Variants in PIK3C2A observed in about 807,000 individuals in gnomAD.
PIK3C2A encodes phosphatidylinositol 4-phosphate 3-kinase C2 domain-containing subunit alpha.
In PIK3C2A, 97 loss-of-function variants were observed where a neutral mutation model predicts 204.5. The observed-to-expected ratio is 0.47, with a 90% CI of 0.40 to 0.56. The LOEUF (loss-of-function observed/expected upper bound fraction) is 0.56. PIK3C2A is among the 20% of genes least tolerant of loss of function. The pLI, the probability that PIK3C2A is intolerant of heterozygous loss-of-function variation, is 0.00. For missense variants in PIK3C2A, 1,735 were observed against 1,969.2 expected (o/e 0.88, Z 2.25); for synonymous variants, 653 against 664.4 (o/e 0.98, Z 0.26).
At chr11:17,110,679 G>A in intron 21 of PIK3C2A, 118 bp from the exon 22 acceptor site, 1 of 791,812 alleles carries the variant, frequency 1.3e-6, no homozygotes, top group Non-Finnish European at 1.9e-6. Flanking sequence ...AACACCTGAG[G>A]TCAGGAGTTC....
intron 1 of PIK3C2A, among the ~76,000 whole-genome samples, chr11:17,205,473 C>CAAAA (rs755518412): frequency 1.2e-4 from 3 of 25,356 alleles, no homozygotes; most frequent in Non-Finnish European, 2.0e-4. Context: ...GACTCCATCT[C>CAAAA]AAAAAAAAAA....
chr11:17,125,427 C>A (rs902167903), intron 13 of PIK3C2A, among the ~76,000 whole-genome samples: 3 of 152,158 alleles, frequency 2.0e-5, no homozygotes, highest in African/African-American at 7.2e-5. Context: ...GATTGAGAAA[C>A]CCTGGCCGAA....
At chr11:17,201,101 G>A (rs989634362) in intron 1 of PIK3C2A, among the ~76,000 whole-genome samples, 4 of 152,146 alleles carry the variant, frequency 2.6e-5, no homozygotes, top group Non-Finnish European at 5.9e-5. Context: ...AGCTACTCAG[G>A]AAGCTGAGAC....
Position 17,117,630 on chromosome 11 carries a change from C to T in PIK3C2A, c.3077G>A (p.Arg1026Gln), listed in dbSNP as rs756345749. Reference protein sequence around the residue: ...DALHDVQFSTRYEHVLGALLS... With the variant: ...DALHDVQFSTQYEHVLGALLS... ...GAGAGCACCCAAAACATGTTCGTAT[C>T]GGGTACTAAACTGTACATCATGCAG... The change falls in exon 19 of 33, where the codon CGA (arginine) becomes CAA (glutamine). Residue 1026 changes from arginine (R) to glutamine (Q), a missense_variant. Transcript: ENST00000691414. The T allele has an allele frequency of 5.6e-6, 9 of 1,606,320 alleles. No individual in the cohort carries two copies. Among genetic ancestry groups the T allele is most frequent in the Middle Eastern group, 1.7e-4 (1 of 6,026 alleles).
chr11:17,102,540 G>T, intron 24 of PIK3C2A, 122 bp downstream of exon 24: 1 of 690,520 alleles, frequency 1.4e-6, no homozygotes, highest in Non-Finnish European at 2.5e-6. Context: ...ATATCTTTGG[G>T]CCTTTTTCAT....
At chr11:17,199,709 A>G (rs1303549323) in intron 1 of PIK3C2A, among the ~76,000 whole-genome samples, 1 of 152,150 alleles carries the variant, frequency 6.6e-6, no homozygotes, top group Admixed American at 6.5e-5. Context: ...TTGGGAGGCC[A>G]AGGCAGGTGG....
At chr11:17,096,521 C>T (rs1203420953) in intron 27 of PIK3C2A, among the ~76,000 whole-genome samples, 2 of 151,852 alleles carry the variant, frequency 1.3e-5, no homozygotes, top group South Asian at 2.1e-4. Context: ...AATAAACACA[C>T]AAAAAGATAC....
At position 17,207,966 on chromosome 11, in the gene PIK3C2A, G is replaced by C. The variant is rs1852655638; in HGVS notation, c.-184C>G. The C allele has an allele frequency of 6.6e-6, 1 of 152,334 alleles. No homozygotes were observed. Among genetic ancestry groups the C allele is most frequent in the Non-Finnish European group, 1.5e-5 (1 of 68,118 alleles). 9.4% of individuals were successfully genotyped at this position (152,334 alleles called of 1,614,324 possible). On this transcript the variant is annotated 5_prime_UTR_variant, in exon 1 of 33. Coordinates refer to ENST00000691414, the MANE Select transcript of PIK3C2A (RefSeq NM_002645.4). Reference sequence around the variant, plus strand: ...GCCGAAAGCTTCGGCCGACTCCACAGCCAGCCAAGCGCAGCACGTCACTTC... The same window carrying C: ...GCCGAAAGCTTCGGCCGACTCCACACCCAGCCAAGCGCAGCACGTCACTTC...
chr11:17,192,136 C>A (rs778293291), intron 1 of PIK3C2A, among the ~76,000 whole-genome samples: 1 of 152,026 alleles, frequency 6.6e-6, no homozygotes, highest in Non-Finnish European at 1.5e-5. Context: ...CAGAGCGAGA[C>A]CCCTGTCTCA....
intron 19 of PIK3C2A, chr11:17,115,538 CAAGGAAAAA>C (rs1849152602): frequency 1.1e-5 from 1 of 93,004 alleles, no homozygotes; most frequent in South Asian, 3.6e-4. Context: ...GACCTCATCT[CAAGGAAAAA>C]AAGGAAAAAA....
intron 1 of PIK3C2A, among the ~76,000 whole-genome samples, chr11:17,176,019 TG>T (rs1301565729): frequency 7.3e-6 from 1 of 136,382 alleles, no homozygotes; most frequent in Admixed American, 7.5e-5. Flanking sequence ...TTTTTTTTTG[TG>T]GGGGACAGAG....
rs1195796749 is a variant in PIK3C2A at position 17,087,452 on chromosome 11, T to C, written c.*2286A>G. On this transcript the variant is annotated 3_prime_UTR_variant, in exon 33 of 33. Coordinates refer to ENST00000691414, the MANE Select transcript of PIK3C2A (RefSeq NM_002645.4). ...ATTAAGAGAAAACATTACCACTTGT[T>C]CTGAACTCTTAACTGTACAGTATTA... 6.6e-6 allele frequency: 1 copy of C among 152,224 alleles called. No individual in the cohort carries two copies. Among genetic ancestry groups the C allele is most frequent in the East Asian group, 1.9e-4 (1 of 5,206 alleles). 9.4% of individuals were successfully genotyped at this position (152,224 alleles called of 1,614,324 possible).
chr11:17,157,735 T>C (rs1850643775), intron 2 of PIK3C2A, among the ~76,000 whole-genome samples: 1 of 152,214 alleles, frequency 6.6e-6, no homozygotes, highest in Admixed American at 6.5e-5. Flanking sequence ...CTAATGCTAC[T>C]TCCCCATTGT....
At chr11:17,105,670 G>C (rs1177794626) in intron 22 of PIK3C2A, among the ~76,000 whole-genome samples, 1 of 152,192 alleles carries the variant, frequency 6.6e-6, no homozygotes, top group Non-Finnish European at 1.5e-5. Context: ...TCCTGTGTTA[G>C]TTTGCTGAGA....
chr11:17,180,584 G>A (rs1851513279), intron 1 of PIK3C2A, among the ~76,000 whole-genome samples: 2 of 152,016 alleles, frequency 1.3e-5, no homozygotes, highest in South Asian at 4.2e-4. Context: ...CATTTTGGGA[G>A]ACTGAGACAG....
At position 17,104,598 on chromosome 11, in the gene PIK3C2A, G is replaced by A. The variant is rs181063530; in HGVS notation, c.3681+571C>T. ...AAATTGCCTGGGCGTGGTGGTGGGCGCCTGTAGCCCCAGCTACTTGGGAGG... is the reference window on the plus strand; with the variant it reads ...AAATTGCCTGGGCGTGGTGGTGGGCACCTGTAGCCCCAGCTACTTGGGAGG... On this transcript the variant is annotated intron_variant, in intron 23 of 32. Coordinates refer to ENST00000691414, the MANE Select transcript of PIK3C2A (RefSeq NM_002645.4). Among the ~76,000 whole-genome samples the A allele has an allele frequency of 1.5e-3, 222 of 151,982 alleles. 1 individual carries two copies. The highest frequency in any genetic ancestry group is 5.0e-3 in the African/African-American group (207 of 41,444).
In PIK3C2A at chr11:17,181,647, T is replaced by G. The variant is rs868719252; in HGVS notation, c.-65-11841A>C. ...ATATATATATATATATATATATATA[T>G]ATATATATATATACACACACACACA... On this transcript the variant is annotated intron_variant, in intron 1 of 32. Transcript: ENST00000691414. Among the ~76,000 whole-genome samples, 3 of 51,920 alleles carry G rather than the reference T, an allele frequency of 5.8e-5. 1 individual carries two copies. Among genetic ancestry groups the G allele is most frequent in the African/African-American group, 3.2e-4 (3 of 9,338 alleles). 34.1% of individuals were successfully genotyped at this position (51,920 alleles called of 152,430 possible). A position where few individuals can be genotyped will look rare whatever the true frequency, so the allele number is the denominator to read the frequency against.
rs1224352745 is a variant in PIK3C2A at position 17,130,806 on chromosome 11, CA to C, written c.2231+1109del. ...TGGGTGACAGAGTGAGACTCCATCT[CA>C]AAAAAAAAAAAAAAAGAAAAAAGAA... On this transcript the variant is annotated intron_variant, in intron 12 of 32. Coordinates refer to ENST00000691414, the MANE Select transcript of PIK3C2A (RefSeq NM_002645.4). Among the ~76,000 whole-genome samples the C allele has an allele frequency of 3.2e-3, 175 of 54,706 alleles. 1 individual carries two copies. Among genetic ancestry groups the C allele is most frequent in the African/African-American group, 3.4e-3 (48 of 14,056 alleles). 35.9% of individuals were successfully genotyped at this position (54,706 alleles called of 152,430 possible).
rs1385905981 is a variant in PIK3C2A, at chr11:17,099,980, AAAC to A, written c.4009-14_4009-12del. The A allele has an allele frequency of 7.6e-7, 1 of 1,315,550 alleles. No homozygotes were observed. Among genetic ancestry groups the A allele is most frequent in the Non-Finnish European group, 1.1e-6 (1 of 920,264 alleles). 81.5% of individuals were successfully genotyped at this position (1,315,550 alleles called of 1,614,324 possible). A position where few individuals can be genotyped will look rare whatever the true frequency, so the allele number is the denominator to read the frequency against. ...CCCTGAAGGAATCATCTGTAGAAGA[AAAC>A]AAAAAGTTCTGTGAGTTAAATTTTT... is the stretch of plus-strand genomic sequence containing the variant. On this transcript the variant is annotated splice_polypyrimidine_tract_variant and intron_variant, in intron 25 of 32. Transcript: ENST00000691414.
Sources: gnomAD v4.1 joint callset for allele counts (sites outside exome capture counted in the v4.1 genomes callset) on GRCh38, gnomAD v4.1.1 for gene constraint, MANE v1.5 for transcripts, NCBI Gene and HGNC (gene_info 2026-07-23, HGNC 2026-07-21) for gene names.